The following COQ8A variants were observed in gnomAD, a reference collection of about 807,000 sequenced individuals.
COQ8A encodes the protein coenzyme Q8A.
Under a neutral mutation model 65.0 loss-of-function variants are expected in COQ8A, and 51 were observed. That is an observed-to-expected ratio of 0.78 (90% confidence interval 0.63 to 0.99). COQ8A has a LOEUF of 0.99. Ranked by LOEUF, COQ8A falls within the 50% of genes least tolerant of loss-of-function variation. The pLI, the probability that COQ8A is intolerant of heterozygous loss-of-function variation, is 0.00. For missense variants in COQ8A, 940 were observed against 875.0 expected, an observed-to-expected ratio of 1.07 and a Z score of -0.94; for synonymous variants, 371 against 353.2, an observed-to-expected ratio of 1.05 and a Z score of -0.57.
intron 5 of COQ8A, among the ~76,000 whole-genome samples, chr1:226,980,573 C>T (rs577957522): frequency 2.3e-3 from 352 of 152,272 alleles, no homozygotes; most frequent in African/African-American, 8.0e-3. Context: ...TTGGTGCTGG[C>T]GTCTGCTGCT....
At chr1:226,983,317 G>T (rs1438149931) in intron 8 of COQ8A, 2 of 659,642 alleles carry the variant, frequency 3.0e-6, no homozygotes, top group Non-Finnish European at 2.6e-6. Context: ...CAGAGCTGGT[G>T]GGAGGGTGGC....
At chr1:226,945,789 A>C (rs1657001819) in intron 1 of COQ8A, among the ~76,000 whole-genome samples, 1 of 152,166 alleles carries the variant, frequency 6.6e-6, no homozygotes, top group African/African-American at 2.4e-5. Context: ...TTAGACAGGG[A>C]CGGGGGTGAC....
intron 4 of COQ8A, among the ~76,000 whole-genome samples, chr1:226,977,063 GC>G (rs111435588): frequency 1.3e-5 from 2 of 152,198 alleles, no homozygotes; most frequent in African/African-American, 4.8e-5. Flanking sequence ...TTCTCAGGGT[GC>G]CCTGTGTGGT....
Position 226,965,331 on chromosome 1 carries a change from T to C in COQ8A, c.509T>C (p.Val170Ala). 1.2e-6 allele frequency: 2 copies of C among 1,613,574 alleles called. No individual in the cohort carries two copies. Among genetic ancestry groups the C allele is most frequent in the South Asian group, 1.1e-5 (1 of 90,990 alleles). Reference sequence around the variant, plus strand: ...TTCTTCCACCAGGACCAATCCCCTGTTGGGGGCCTCACAGCCGAGGACATT... The same window carrying C: ...TTCTTCCACCAGGACCAATCCCCTGCTGGGGGCCTCACAGCCGAGGACATT... Reference protein sequence around the residue: ...RRFFHQDQSPVGGLTAEDIEK... With the variant: ...RRFFHQDQSPAGGLTAEDIEK... Residue 170 changes from valine to alanine, a missense_variant, in exon 3 of 15, where the codon GTT becomes GCT. By Grantham distance (64) the Val-to-Ala change is moderately conservative. Transcript: ENST00000366777.
At chr1:226,942,616 A>G (rs1311130660) in intron 1 of COQ8A, among the ~76,000 whole-genome samples, 1 of 152,144 alleles carries the variant, frequency 6.6e-6, no homozygotes, top group Non-Finnish European at 1.5e-5. Flanking sequence ...TTGCTCAGAC[A>G]GCTCTGTGTC....
chr1:226,966,593 G>A (rs1658580636), intron 4 of COQ8A, among the ~76,000 whole-genome samples: 1 of 152,188 alleles, frequency 6.6e-6, no homozygotes, highest in African/African-American at 2.4e-5. Context: ...CCTTGGGTGA[G>A]TGGTTAGTTC....
intron 5 of COQ8A, 42 bp from the exon 6 acceptor site, chr1:226,981,985 A>C (rs1659722504): frequency 6.2e-7 from 1 of 1,611,598 alleles, no homozygotes; most frequent in Non-Finnish European, 8.5e-7. Context: ...CCACTCCCAG[A>C]CCCCCCCGAG....
chr1:226,984,371 G>A, intron 11 of COQ8A, 136 bp downstream of exon 11: 3 of 1,372,428 alleles, frequency 2.2e-6, no homozygotes, highest in Non-Finnish European at 3.0e-6. Context: ...TAGCACCAGT[G>A]GGACTTAGGG....
intron 5 of COQ8A, among the ~76,000 whole-genome samples, chr1:226,981,410 G>A (rs1305527637): frequency 6.6e-6 from 1 of 152,272 alleles, no homozygotes; most frequent in Admixed American, 6.5e-5. Flanking sequence ...GTCACTGCAT[G>A]CTCATCACTG....
Position 226,965,300 on chromosome 1 carries a change from C to T in COQ8A, c.478C>T (p.Arg160Ter), listed in dbSNP as rs756589820. 6 of 1,613,880 alleles carry T rather than the reference C, an allele frequency of 3.7e-6. No homozygotes were observed. Among genetic ancestry groups the T allele is most frequent in the East Asian group, 4.5e-5 (2 of 44,866 alleles). ...CTCATTCTCTGCCATGGGCTTTCAG[C>T]GAAGGTTCTTCCACCAGGACCAATC... is the stretch of plus-strand genomic sequence containing the variant. ...RDSFSAMGFQRRFFHQDQSPV... is the reference protein window; with the variant it reads ...RDSFSAMGFQ The change falls in exon 3 of 15, where the codon CGA becomes TGA. Residue 160 changes from arginine (R) to a stop codon, truncating the protein, a stop_gained. Coordinates refer to ENST00000366777, the MANE Select transcript of COQ8A (RefSeq NM_020247.5). LOFTEE classifies it high-confidence loss of function.
chr1:226,947,505 G>T (rs1025723369), intron 1 of COQ8A, among the ~76,000 whole-genome samples: 3 of 152,130 alleles, frequency 2.0e-5, no homozygotes, highest in Non-Finnish European at 4.4e-5. Context: ...TGTTTTGAAA[G>T]ATTAAGAATA....
Position 226,984,955 on chromosome 1 carries a change from G to A in COQ8A, c.1572+14G>A. 1 of 1,613,930 alleles carries A rather than the reference G, an allele frequency of 6.2e-7. No homozygotes were observed. The highest frequency in any genetic ancestry group is 8.5e-7 in the Non-Finnish European group (1 of 1,179,916). On this transcript the variant is annotated intron_variant, in intron 13 of 14. Coordinates refer to ENST00000366777, the MANE Select transcript of COQ8A (RefSeq NM_020247.5). ...CTCTACATTCAGGTAACTGGAGAGG[G>A]GCCCTGGCCTTGGTCCATGTTTTTC...
chr1:226,973,644 AGCCCCCTCCCCAG>A (rs561937357), intron 4 of COQ8A, among the ~76,000 whole-genome samples: 352 of 152,306 alleles, frequency 2.3e-3, no homozygotes, highest in Non-Finnish European at 3.5e-3. Context: ...TGGGGGCTGC[AGCCCCCTCCCCAG>A]GCCCCCTGTC....
rs371234778 is a variant in COQ8A at position 226,978,825 on chromosome 1, C to CA, written c.730+1303dup. 1.9e-5 allele frequency among the ~76,000 whole-genome samples: 2 copies of CA among 108,022 alleles called. 1 individual carries two copies. The highest frequency in any genetic ancestry group is 4.4e-5 in the Non-Finnish European group (2 of 45,784). The allele number at this position is 108,022 out of a possible 152,430, so 70.9% of individuals were successfully genotyped here. A position where few individuals can be genotyped will look rare whatever the true frequency, so the allele number is the denominator to read the frequency against. ...CAGCTCCTTACACACCCTCCATGCACACACCTCCTTACACACCCACCTCAT... is the reference window on the plus strand; with the variant it reads ...CAGCTCCTTACACACCCTCCATGCACAACACCTCCTTACACACCCACCTCAT... On this transcript the variant is annotated intron_variant, in intron 5 of 14. Transcript: ENST00000366777.
rs771666377 is a variant in COQ8A, at chr1:226,985,292, G to A, written c.1611G>A (p.Val537=). The stretch of plus-strand genomic sequence containing the variant: ...CTGCCGACAGGGACAGGGAGACTGT[G>A]CGGGCGAAATCCATAGAGATGAAGT... ...RAAADRDRET[V]RAKSIEMKFL... is the part of the protein sequence containing the mutation. The change falls in exon 14 of 15, where the codon GTG becomes GTA. Residue 537 remains valine, a synonymous_variant. Transcript: ENST00000366777. 3 of 1,613,868 alleles carry A rather than the reference G, an allele frequency of 1.9e-6. No homozygotes were observed. The highest frequency in any genetic ancestry group is 1.7e-5 in the Admixed American group (1 of 60,034).
chr1:226,963,703 C>G (rs1218964623), intron 2 of COQ8A, among the ~76,000 whole-genome samples: 4 of 152,338 alleles, frequency 2.6e-5, no homozygotes, highest in African/African-American at 9.6e-5. Flanking sequence ...CTCCCAGGTT[C>G]AAGCGATTCT....
intron 4 of COQ8A, among the ~76,000 whole-genome samples, chr1:226,971,509 G>A (rs559271433): frequency 3.8e-4 from 58 of 151,942 alleles, no homozygotes; most frequent in Admixed American, 1.9e-3. Flanking sequence ...CCAAGATGGC[G>A]GCGTTGCACT....
At chr1:226,963,761 C>T (rs183853853) in intron 2 of COQ8A, among the ~76,000 whole-genome samples, 363 of 152,288 alleles carry the variant, frequency 2.4e-3, no homozygotes, top group Non-Finnish European at 3.6e-3. Flanking sequence ...CCTGCCACCA[C>T]GCCTGGCTAA....
intron 1 of COQ8A, among the ~76,000 whole-genome samples, chr1:226,950,454 A>C (rs577905102): frequency 6.6e-6 from 1 of 152,358 alleles, no homozygotes; most frequent in African/African-American, 2.4e-5. Context: ...CTCCTGAGCC[A>C]TGATGGATCC....
Sources: allele counts gnomAD v4.1 joint callset (sites outside exome capture counted in the v4.1 genomes callset), GRCh38; gene constraint gnomAD v4.1.1; transcripts MANE v1.5; gene names NCBI Gene and HGNC (gene_info 2026-07-23, HGNC 2026-07-21).